The following UQCC1 variants were observed in gnomAD, a reference collection of about 807,000 sequenced individuals.
UQCC1 encodes the protein ubiquinol-cytochrome c reductase complex assembly factor 1, also known as bFGF-repressed Zic-binding protein.
In UQCC1, 38 loss-of-function variants were observed where a neutral mutation model predicts 48.0. The ratio of observed to expected loss-of-function variants is 0.79; its 90% CI spans 0.61 to 1.04. The LOEUF (loss-of-function observed/expected upper bound fraction) is 1.04. Ranked by LOEUF, UQCC1 falls within the 50% of genes least tolerant of loss-of-function variation. The pLI is 0.00. For synonymous variants in UQCC1, 111 were observed against 129.2 expected, an observed-to-expected ratio of 0.86 and a Z score of 0.95; for missense variants, 368 against 381.8, an observed-to-expected ratio of 0.96 and a Z score of 0.30.
intron 7 of UQCC1, among the ~76,000 whole-genome samples, chr20:35,332,492 C>T (rs191959046): frequency 1.3e-5 from 2 of 152,356 alleles, no homozygotes; most frequent in East Asian, 3.9e-4. Context: ...TTTCTCAGAG[C>T]CAGAGTAGAA....
chr20:35,344,152 T>C (rs1487972600), intron 7 of UQCC1: 1 of 152,250 alleles, frequency 6.6e-6, no homozygotes, highest in African/African-American at 2.4e-5. Flanking sequence ...ATTTATTCAT[T>C]TGACAATTAT....
rs1301037102 is a variant in UQCC1, at chr20:35,303,903, C to CA, written c.*31dup. Reference sequence around the variant, plus strand: ...TTCTCTCCTGGAGGTTCCTCGAAGCCAGCTGGCGGGCCGTGCGGAGGGCCC... The same window carrying CA: ...TTCTCTCCTGGAGGTTCCTCGAAGCCAAGCTGGCGGGCCGTGCGGAGGGCCC... On this transcript the variant is annotated 3_prime_UTR_variant, in exon 10 of 10. Transcript: ENST00000374385. 1.2e-6 allele frequency: 2 copies of CA among 1,614,042 alleles called. No homozygotes were observed. The highest frequency in any genetic ancestry group is 2.7e-5 in the African/African-American group (2 of 75,046).
chr20:35,311,016 G>A (rs1345952491), intron 8 of UQCC1, among the ~76,000 whole-genome samples: 1 of 151,848 alleles, frequency 6.6e-6, no homozygotes, highest in African/African-American at 2.4e-5. Flanking sequence ...ATTATTCTAA[G>A]CAAGAGAAAA....
chr20:35,307,484 C>T (rs895083644), intron 8 of UQCC1, among the ~76,000 whole-genome samples: 1 of 152,128 alleles, frequency 6.6e-6, no homozygotes, highest in Non-Finnish European at 1.5e-5. Context: ...AAATAAGAGC[C>T]CCAGCCACCA....
At chr20:35,405,870 G>GAAGTT in intron 1 of UQCC1, among the ~76,000 whole-genome samples, 1 of 152,260 alleles carries the variant, frequency 6.6e-6, no homozygotes, top group South Asian at 2.1e-4. Flanking sequence ...AACAGAAAGA[G>GAAGTT]AAGTTATTTT....
At chr20:35,391,647 T>G (rs964912105) in intron 2 of UQCC1, among the ~76,000 whole-genome samples, 3 of 128,336 alleles carry the variant, frequency 2.3e-5, no homozygotes, top group Non-Finnish European at 3.4e-5. Context: ...AAAAAAAAAA[T>G]GAAAATTTAA....
intron 5 of UQCC1, among the ~76,000 whole-genome samples, chr20:35,373,170 T>C (rs1250906048): frequency 6.6e-6 from 1 of 152,186 alleles, no homozygotes; most frequent in Non-Finnish European, 1.5e-5. Flanking sequence ...ATTAATACTG[T>C]GATAACAATC....
At chr20:35,335,430 T>C (rs969893593) in intron 7 of UQCC1, among the ~76,000 whole-genome samples, 3 of 152,068 alleles carry the variant, frequency 2.0e-5, no homozygotes, top group African/African-American at 4.8e-5. Context: ...CAAAAAGGAA[T>C]GATGTCGGTC....
intron 3 of UQCC1, among the ~76,000 whole-genome samples, chr20:35,383,442 T>A (rs941466847): frequency 2.0e-5 from 3 of 152,158 alleles, no homozygotes; most frequent in Admixed American, 6.5e-5. Flanking sequence ...GGCTCACACC[T>A]ATAATCTCAG....
At chr20:35,362,457 A>G (rs2061616825) in intron 6 of UQCC1, among the ~76,000 whole-genome samples, 1 of 152,174 alleles carries the variant, frequency 6.6e-6, no homozygotes, top group Admixed American at 6.5e-5. Flanking sequence ...CCCAGGTTCA[A>G]GCGATTCTCA....
intron 6 of UQCC1, among the ~76,000 whole-genome samples, chr20:35,355,106 G>A (rs1157669051): frequency 1.3e-5 from 2 of 152,102 alleles, no homozygotes; most frequent in African/African-American, 4.8e-5. Flanking sequence ...AGGACCCAGA[G>A]AAAACCCACC....
rs1293957685 is a variant in UQCC1, at chr20:35,374,318, G to C, written c.334-62C>G. 4.7e-6 allele frequency: 6 copies of C among 1,266,052 alleles called. No individual in the cohort carries two copies. In the East Asian group the frequency reaches 7.2e-5, roughly 15 times the overall value. The allele number at this position is 1,266,052 out of a possible 1,614,324, so 78.4% of individuals were successfully genotyped here. On this transcript the variant is annotated intron_variant, in intron 4 of 9. Coordinates refer to ENST00000374385, the MANE Select transcript of UQCC1 (RefSeq NM_018244.5). ...CCAAGTGGATGTTCTACTTCCATTAGACATGGGTCACAAAATCTTATATTT... is the reference window on the plus strand; with the variant it reads ...CCAAGTGGATGTTCTACTTCCATTACACATGGGTCACAAAATCTTATATTT...
chr20:35,347,272 C>T lies in UQCC1; in HGVS notation c.465G>A (p.Trp155Ter). 1 of 1,613,886 alleles carries T rather than the reference C, an allele frequency of 6.2e-7. No homozygotes were observed. Among genetic ancestry groups the T allele is most frequent in the Non-Finnish European group, 8.5e-7 (1 of 1,179,824 alleles). Residue 155 changes from tryptophan to a stop codon, truncating the protein, a stop_gained and splice_region_variant, in exon 7 of 10, where the codon TGG becomes TGA. Transcript: ENST00000374385. LOFTEE classifies it high-confidence loss of function. The part of the protein sequence containing the change: ...SWFLITLLHV[W>*]MCLVRMKQEG... ...CCTGCTTCATTCGGACTAGACACATCCTGGGTGGGAAGAAGACAAAAAAAG... is the reference window on the plus strand; with the variant it reads ...CCTGCTTCATTCGGACTAGACACATTCTGGGTGGGAAGAAGACAAAAAAAG...
intron 7 of UQCC1, chr20:35,315,536 C>T (rs1253556390): frequency 2.0e-5 from 3 of 152,348 alleles, no homozygotes; most frequent in Non-Finnish European, 4.4e-5. Flanking sequence ...CCTCTGAGGC[C>T]ATGGAAAGGA....
chr20:35,318,021 AC>A (rs1190767431), intron 7 of UQCC1, among the ~76,000 whole-genome samples: 1 of 152,156 alleles, frequency 6.6e-6, no homozygotes, highest in Non-Finnish European at 1.5e-5. Flanking sequence ...TGATACCCAT[AC>A]TTGGAGGATC....
intron 1 of UQCC1, among the ~76,000 whole-genome samples, chr20:35,397,796 A>G (rs2062104656): frequency 6.6e-6 from 1 of 152,158 alleles, no homozygotes; most frequent in Non-Finnish European, 1.5e-5. Context: ...AGGACCAGGG[A>G]TACTTGGGGA....
At chr20:35,317,767 G>A (rs778750583) in intron 7 of UQCC1, among the ~76,000 whole-genome samples, 1 of 152,218 alleles carries the variant, frequency 6.6e-6, no homozygotes. Flanking sequence ...TTTTACAAGG[G>A]CCTGTGTACT....
At chr20:35,328,011 G>GAAA (rs11481307) in intron 7 of UQCC1, among the ~76,000 whole-genome samples, 1 of 125,732 alleles carries the variant, frequency 8.0e-6, no homozygotes, top group African/African-American at 2.9e-5. Flanking sequence ...ACAAAAAAAG[G>GAAA]AAAAAAAAAA....
Position 35,303,738 on chromosome 20 carries a change from C to T in UQCC1, c.*197G>A. ...GGACACCCCGGGAGAGCTAGGGGTT[C>T]TCCCAGCCCTGTACCCCAGCAGATC... is the stretch of plus-strand genomic sequence containing the variant. On this transcript the variant is annotated 3_prime_UTR_variant, in exon 10 of 10. Transcript: ENST00000374385. 1 of 718,020 alleles carries T rather than the reference C, an allele frequency of 1.4e-6. No individual in the cohort carries two copies. The highest frequency in any genetic ancestry group is 2.3e-6 in the Non-Finnish European group (1 of 441,390). The allele number at this position is 718,020 out of a possible 1,614,324, so 44.5% of individuals were successfully genotyped here.
Sources: allele counts gnomAD v4.1 joint callset (sites outside exome capture counted in the v4.1 genomes callset), GRCh38; gene constraint gnomAD v4.1.1; transcripts MANE v1.5; gene names NCBI Gene and HGNC (gene_info 2026-07-23, HGNC 2026-07-21).